Variants in STMN2 observed in about 807,000 individuals in gnomAD.
STMN2 encodes stathmin-2.
A neutral mutation model predicts 24.1 loss-of-function variants in STMN2; 2 were observed. The observed-to-expected ratio is 0.08, with a 90% CI of 0.03 to 0.26. STMN2 has a LOEUF of 0.26. Ranked by LOEUF, STMN2 falls within the 10% of genes least tolerant of loss-of-function variation. The pLI is 1.00. For synonymous variants in STMN2, 83 were observed against 77.5 expected, an observed-to-expected ratio of 1.07 and a Z score of -0.37; for missense variants, 114 against 213.6, an observed-to-expected ratio of 0.53 and a Z score of 2.91.
intron 1 of STMN2, among the ~76,000 whole-genome samples, chr8:79,614,183 C>T (rs867784445): frequency 3.9e-4 from 60 of 152,178 alleles, no homozygotes; most frequent in Middle Eastern, 6.8e-3. Context: ...AATTTAACTG[C>T]ATTTGCAAAT....
chr8:79,659,119 A>G (rs1377125482), intron 4 of STMN2, among the ~76,000 whole-genome samples: 1 of 152,166 alleles, frequency 6.6e-6, no homozygotes, highest in African/African-American at 2.4e-5. Flanking sequence ...TGTTACACTC[A>G]TTTCTTATTT....
chr8:79,618,032 C>T (rs894048855), intron 1 of STMN2, among the ~76,000 whole-genome samples: 3 of 152,218 alleles, frequency 2.0e-5, no homozygotes, highest in African/African-American at 7.2e-5. Context: ...CATCTGGCTT[C>T]GGAATCCATC....
intron 1 of STMN2, among the ~76,000 whole-genome samples, chr8:79,636,494 T>C (rs1035643084): frequency 4.1e-4 from 62 of 152,284 alleles, no homozygotes; most frequent in African/African-American, 1.5e-3. Flanking sequence ...TCCATCTGTT[T>C]CCTCTCTCTC....
At chr8:79,623,892 A>G (rs1809579261) in intron 1 of STMN2, among the ~76,000 whole-genome samples, 1 of 152,224 alleles carries the variant, frequency 6.6e-6, no homozygotes, top group Non-Finnish European at 1.5e-5. Flanking sequence ...GATTTTTTTA[A>G]AAAAGGTTTT....
chr8:79,636,934 G>C (rs1809977344), intron 2 of STMN2, 37 bp downstream of exon 2: 1 of 1,575,880 alleles, frequency 6.3e-7, no homozygotes, highest in African/African-American at 1.4e-5. Context: ...CTGCTAGCTA[G>C]ATCATTTGGA....
intron 1 of STMN2, among the ~76,000 whole-genome samples, chr8:79,635,892 TA>T (rs923035678): frequency 1.3e-5 from 2 of 151,546 alleles, no homozygotes; most frequent in Admixed American, 1.3e-4. Flanking sequence ...CCCTTGTATC[TA>T]AAATAAAACT....
At chr8:79,641,336 C>T (rs772610349) in intron 2 of STMN2, 42 bp from the exon 3 acceptor site, 22 of 1,585,696 alleles carry the variant, frequency 1.4e-5, no homozygotes, top group Non-Finnish European at 1.9e-5. Flanking sequence ...ACCCATGCTG[C>T]AAGCTTTGTA....
At chr8:79,637,304 T>A (rs1809987690) in intron 2 of STMN2, among the ~76,000 whole-genome samples, 1 of 152,224 alleles carries the variant, frequency 6.6e-6, no homozygotes, top group African/African-American at 2.4e-5. Context: ...TTTATTGTAG[T>A]CTTTATAAAG....
intron 2 of STMN2, among the ~76,000 whole-genome samples, chr8:79,639,430 T>C (rs1468299444): frequency 2.0e-5 from 3 of 152,182 alleles, no homozygotes; most frequent in Non-Finnish European, 4.4e-5. Context: ...ACCAGAGAGA[T>C]GGAGTTTGGG....
At position 79,664,902 on chromosome 8, in the gene STMN2, CA is replaced by C; in HGVS notation, c.*30del. The C allele has an allele frequency of 6.2e-7, 1 of 1,604,096 alleles. No individual in the cohort carries two copies. Among genetic ancestry groups the C allele is most frequent in the African/African-American group, 1.4e-5 (1 of 73,990 alleles). On this transcript the variant is annotated 3_prime_UTR_variant, in exon 5 of 5. Transcript: ENST00000220876. ...CAAGGGAGGGTCTGGCACGCCCCACCAATAGTAAATCCCCCTGCCTATATTA... is the reference window on the plus strand; with the variant it reads ...CAAGGGAGGGTCTGGCACGCCCCACCATAGTAAATCCCCCTGCCTATATTA...
chr8:79,643,190 C>G (rs1381522381), intron 3 of STMN2, among the ~76,000 whole-genome samples: 2 of 137,500 alleles, frequency 1.5e-5, no homozygotes, highest in African/African-American at 5.3e-5. Flanking sequence ...TATCATTGTT[C>G]TAGATTTAAA....
At chr8:79,623,417 T>C (rs7825038) in intron 1 of STMN2, among the ~76,000 whole-genome samples, 17,990 of 152,242 alleles carry the variant, frequency 0.12, 1,271 homozygotes, top group Non-Finnish European at 0.16. Context: ...TAACTACCAA[T>C]ACCAAAACAT....
At chr8:79,640,377 G>A (rs62520524) in intron 2 of STMN2, among the ~76,000 whole-genome samples, 5,922 of 152,198 alleles carry the variant, frequency 0.039, 158 homozygotes, top group Middle Eastern at 0.058. Flanking sequence ...GTCTTTCTGT[G>A]CCTAGCTTAT....
intron 1 of STMN2, among the ~76,000 whole-genome samples, chr8:79,617,822 C>A (rs986206712): frequency 1.3e-5 from 2 of 152,194 alleles, no homozygotes; most frequent in Non-Finnish European, 2.9e-5. Flanking sequence ...TGGGAAGTAA[C>A]TTTTATTGAT....
chr8:79,629,950 G>A (rs1238808517), intron 1 of STMN2, among the ~76,000 whole-genome samples: 1 of 152,158 alleles, frequency 6.6e-6, no homozygotes, highest in African/African-American at 2.4e-5. Flanking sequence ...CCAGCCTACG[G>A]AAGTAGAGGT....
rs117579903 is a variant in STMN2, at chr8:79,654,565, G to A, written c.289-306G>A. The stretch of plus-strand genomic sequence containing the variant: ...GTAATTCATTATAGCATTTTCTGTT[G>A]CATAAACGCTTAGCAACAAAGCCTT... On this transcript the variant is annotated intron_variant, in intron 3 of 4. Transcript: ENST00000220876. 8.7e-4 allele frequency among the ~76,000 whole-genome samples: 132 copies of A among 152,182 alleles called. No individual in the cohort carries two copies. In the South Asian group the frequency reaches 0.017, roughly 19 times the overall value.
chr8:79,615,914 G>A (rs1304757610), intron 1 of STMN2, among the ~76,000 whole-genome samples: 1 of 152,174 alleles, frequency 6.6e-6, no homozygotes, highest in East Asian at 1.9e-4. Context: ...AGATTTTGTA[G>A]TGGATAAATA....
chr8:79,646,589 T>C (rs1585901415), intron 3 of STMN2, among the ~76,000 whole-genome samples: 2 of 152,002 alleles, frequency 1.3e-5, no homozygotes, highest in South Asian at 4.2e-4. Context: ...GAAATAGGAA[T>C]GTATGAGGTG....
intron 3 of STMN2, among the ~76,000 whole-genome samples, chr8:79,648,758 C>T (rs1212365437): frequency 1.3e-5 from 2 of 151,882 alleles, no homozygotes; most frequent in Non-Finnish European, 2.9e-5. Flanking sequence ...CCACCATGCC[C>T]GGCCAATATT....
Sources: allele counts gnomAD v4.1 joint callset (sites outside exome capture counted in the v4.1 genomes callset), GRCh38; gene constraint gnomAD v4.1.1; transcripts MANE v1.5; gene names NCBI Gene and HGNC (gene_info 2026-07-23, HGNC 2026-07-21).